The following KCNK2 variants were observed in gnomAD, a reference collection of about 807,000 sequenced individuals.
KCNK2 encodes the protein potassium two pore domain channel subfamily K member 2.
KCNK2 carries 21 observed loss-of-function variants against 40.5 expected under a neutral mutation model. That is an observed-to-expected ratio of 0.52 (90% CI 0.37 to 0.75). The LOEUF (loss-of-function observed/expected upper bound fraction) is 0.75. Ranked by LOEUF, KCNK2 falls within the 30% of genes least tolerant of loss-of-function variation. KCNK2 has a pLI of 0.00. For synonymous variants in KCNK2, 191 were observed against 202.2 expected (o/e 0.94, Z 0.47); for missense variants, 399 against 531.6 (o/e 0.75, Z 2.45).
intron 6 of KCNK2, among the ~76,000 whole-genome samples, chr1:215,208,325 A>G (rs931624374): frequency 2.0e-5 from 3 of 152,126 alleles, no homozygotes; most frequent in African/African-American, 7.2e-5. Context: ...ATGAACACGA[A>G]GGAAACAACA....
intron 3 of KCNK2, among the ~76,000 whole-genome samples, chr1:215,125,924 T>C (rs1661416094): frequency 6.6e-6 from 1 of 151,772 alleles, no homozygotes. Flanking sequence ...ATCATAGTTA[T>C]GAAGGAATTT....
intron 5 of KCNK2, among the ~76,000 whole-genome samples, chr1:215,193,172 A>C (rs867146212): frequency 1.6e-4 from 24 of 152,096 alleles, no homozygotes; most frequent in Non-Finnish European, 7.4e-5. Flanking sequence ...TATACCTGCA[A>C]CTTATTAGCA....
rs1238013634 is a variant in KCNK2 at position 215,201,975 on chromosome 1, A to AG, written c.963+6889dup. ...TTTGATTTCTATCATATTGTAGGGC[A>AG]GGGGGGCAATACTGTTTGGTACAAT... is the stretch of plus-strand genomic sequence containing the variant. On this transcript the variant is annotated intron_variant, in intron 6 of 6. Coordinates refer to ENST00000444842, the MANE Select transcript of KCNK2 (RefSeq NM_001017425.3). Among the ~76,000 whole-genome samples, 3 of 152,162 alleles carry AG rather than the reference A, an allele frequency of 2.0e-5. No individual in the cohort carries two copies. The East Asian group carries it at 5.8e-4, about 29-fold the overall frequency.
intron 2 of KCNK2, among the ~76,000 whole-genome samples, chr1:215,091,645 G>A (rs898619508): frequency 6.6e-6 from 1 of 152,148 alleles, no homozygotes; most frequent in African/African-American, 2.4e-5. Context: ...TGCTGGGGAA[G>A]GTAATATGTT....
chr1:215,109,664 AT>A (rs1221643651), intron 2 of KCNK2, among the ~76,000 whole-genome samples: 1 of 151,872 alleles, frequency 6.6e-6, no homozygotes, highest in Non-Finnish European at 1.5e-5. Flanking sequence ...GCTGTTGGAA[AT>A]TGTGCTGCAA....
In KCNK2 at chr1:215,124,598, C is replaced by T. The variant is rs772576599; in HGVS notation, c.358-35C>T. 107 of 1,207,578 alleles carry T rather than the reference C, an allele frequency of 8.9e-5. No homozygotes were observed. In the Admixed American group the frequency reaches 1.3e-3, roughly 14 times the overall value. The allele number at this position is 1,207,578 out of a possible 1,614,324, so 74.8% of individuals were successfully genotyped here. ...TGCTGTTTGATGCCTCTGTGTGATT[C>T]ATGTGTACTGATAAATTTCTTTTTA... On this transcript the variant is annotated intron_variant, in intron 2 of 6. Transcript: ENST00000444842.
At chr1:215,213,926 T>C (rs1571739280) in intron 6 of KCNK2, among the ~76,000 whole-genome samples, 1 of 152,172 alleles carries the variant, frequency 6.6e-6, no homozygotes, top group Non-Finnish European at 1.5e-5. Flanking sequence ...AAATATTCTA[T>C]CTTAATTTAT....
intron 2 of KCNK2, among the ~76,000 whole-genome samples, chr1:215,120,116 T>C (rs1457511360): frequency 6.6e-6 from 1 of 152,228 alleles, no homozygotes; most frequent in Non-Finnish European, 1.5e-5. Flanking sequence ...TCTGTGATAA[T>C]GATTTACAAC....
At chr1:215,192,388 C>G (rs1415231241) in intron 5 of KCNK2, among the ~76,000 whole-genome samples, 1 of 152,042 alleles carries the variant, frequency 6.6e-6, no homozygotes, top group African/African-American at 2.4e-5. Context: ...AACATTTTAC[C>G]CAAATATAGA....
At chr1:215,042,407 T>G (rs1206575656) in intron 1 of KCNK2, among the ~76,000 whole-genome samples, 1 of 152,114 alleles carries the variant, frequency 6.6e-6, no homozygotes, top group Non-Finnish European at 1.5e-5. Flanking sequence ...AGAAACTTGG[T>G]AAGGTTCATG....
At chr1:215,115,921 T>C (rs1332030049) in intron 2 of KCNK2, among the ~76,000 whole-genome samples, 1 of 151,186 alleles carries the variant, frequency 6.6e-6, no homozygotes, top group Non-Finnish European at 1.5e-5. Flanking sequence ...ATATGTAGAC[T>C]GGCTCCTTTA....
At chr1:215,125,028 T>C (rs144639583) in intron 3 of KCNK2, among the ~76,000 whole-genome samples, 1 of 152,328 alleles carries the variant, frequency 6.6e-6, no homozygotes, top group Admixed American at 6.5e-5. Context: ...AGAAACAGCT[T>C]AAAATGATTA....
chr1:215,020,460 G>C (rs965283), intron 1 of KCNK2, among the ~76,000 whole-genome samples: 136,729 of 152,136 alleles, frequency 0.9, 61,753 homozygotes, highest in East Asian at 1. Context: ...GGGTCTGGCT[G>C]TGTTACTTAG....
chr1:215,216,374 TAATA>T (rs2102694647), intron 6 of KCNK2, among the ~76,000 whole-genome samples: 2 of 147,602 alleles, frequency 1.4e-5, no homozygotes, highest in South Asian at 2.1e-4. Context: ...AGATAATATA[TAATA>T]TATATTCTAT....
chr1:215,210,043 AATAT>A (rs1169101650), intron 6 of KCNK2, among the ~76,000 whole-genome samples: 2 of 44,916 alleles, frequency 4.5e-5, no homozygotes, highest in Non-Finnish European at 8.1e-5. Context: ...TAATATATAT[AATAT>A]ATATATACAC....
At chr1:215,107,802 A>T (rs1227383124) in intron 2 of KCNK2, among the ~76,000 whole-genome samples, 1 of 152,144 alleles carries the variant, frequency 6.6e-6, no homozygotes, top group African/African-American at 2.4e-5. Flanking sequence ...CAGGGATTCA[A>T]CAAACCACAG....
At chr1:215,027,754 A>C (rs767128961) in intron 1 of KCNK2, among the ~76,000 whole-genome samples, 6 of 152,202 alleles carry the variant, frequency 3.9e-5, no homozygotes, top group Non-Finnish European at 8.8e-5. Context: ...TGTAGTATAG[A>C]TAGGATGAAT....
intron 6 of KCNK2, among the ~76,000 whole-genome samples, chr1:215,218,066 A>G (rs984882893): frequency 6.6e-6 from 1 of 152,344 alleles, no homozygotes; most frequent in South Asian, 2.1e-4. Context: ...AGGGGAATAG[A>G]GGAGTGAAGG....
At chr1:215,056,547 AATACAATAATGCC>A (rs1658174437) in intron 1 of KCNK2, among the ~76,000 whole-genome samples, 1 of 148,768 alleles carries the variant, frequency 6.7e-6, no homozygotes, top group African/African-American at 2.4e-5. Context: ...GAAATGAGTT[AATACAATAATGCC>A]ATAGTCATGT....
Sources: allele counts gnomAD v4.1 joint callset (sites outside exome capture counted in the v4.1 genomes callset), GRCh38; gene constraint gnomAD v4.1.1; transcripts MANE v1.5; gene names NCBI Gene and HGNC (gene_info 2026-07-23, HGNC 2026-07-21).